GABRG3: variants seen among roughly 807,000 people sequenced by gnomAD.
GABRG3 encodes gamma-aminobutyric acid receptor subunit gamma-3.
A neutral mutation model predicts 48.8 loss-of-function variants in GABRG3; 25 were observed. The ratio of observed to expected loss-of-function variants is 0.51; its 90% CI spans 0.37 to 0.72. The LOEUF (loss-of-function observed/expected upper bound fraction) is 0.72. Ranked by LOEUF, GABRG3 falls within the 30% of genes least tolerant of loss-of-function variation. The pLI is 0.00. For synonymous variants in GABRG3, 227 were observed against 217.6 expected (o/e 1.04, Z -0.38); for missense variants, 394 against 577.9 (o/e 0.68, Z 3.26).
chr15:27,452,640 G>C (rs1218435015), intron 5 of GABRG3, among the ~76,000 whole-genome samples: 1 of 152,202 alleles, frequency 6.6e-6, no homozygotes, highest in Non-Finnish European at 1.5e-5. Context: ...TCATCATAGA[G>C]GTCTTCATCC....
rs1234820299 is a variant in GABRG3 at position 27,145,597 on chromosome 15, A to ATC, written c.270+118778_270+118779dup. Among the ~76,000 whole-genome samples the ATC allele has an allele frequency of 4.6e-3, 334 of 72,102 alleles. 6 individuals are homozygous for ATC. The highest frequency in any genetic ancestry group is 0.012 in the African/African-American group (293 of 23,548). The allele number at this position is 72,102 out of a possible 152,430, so 47.3% of individuals were successfully genotyped here. A position where few individuals can be genotyped will look rare whatever the true frequency, so the allele number is the denominator to read the frequency against. On this transcript the variant is annotated intron_variant, in intron 3 of 9. Transcript: ENST00000615808. ...TACTCTACTAGGCATATATACATAT[A>ATC]TCTATCTCTATCTATCTATCTATCT...
In GABRG3 at chr15:26,974,441, A is replaced by G. The variant is rs1270464857; in HGVS notation, c.54-2561A>G. 3.3e-5 allele frequency among the ~76,000 whole-genome samples: 5 copies of G among 152,112 alleles called. No individual in the cohort carries two copies. Among genetic ancestry groups the G allele is most frequent in the Admixed American group, 3.3e-4 (5 of 15,268 alleles). On this transcript the variant is annotated intron_variant, in intron 1 of 9. Transcript: ENST00000615808. This position sits in a 1 kb window ranked among gnomAD's most constrained non-coding sequence, Gnocchi z 4.3. Reference sequence around the variant, plus strand: ...GTGCTCGGTTTGTGTGTATGTGATTATCAGGGCCATAGACAATAACACAGG... The same window carrying G: ...GTGCTCGGTTTGTGTGTATGTGATTGTCAGGGCCATAGACAATAACACAGG...
rs73367342 is a variant in GABRG3, at chr15:27,452,513, A to G, written c.575-28137A>G. 5.9e-3 allele frequency among the ~76,000 whole-genome samples: 893 copies of G among 152,304 alleles called. 11 individuals carry two copies. The highest frequency in any genetic ancestry group is 0.02 in the African/African-American group (832 of 41,576). On this transcript the variant is annotated intron_variant, in intron 5 of 9. Transcript: ENST00000615808. Reference sequence around the variant, plus strand: ...ACTGAGAGCCCTACCTATAACAAAAACAGTCAATTAACACACATTTCATTT... The same window carrying G: ...ACTGAGAGCCCTACCTATAACAAAAGCAGTCAATTAACACACATTTCATTT...
At chr15:27,501,243 G>T (rs1158230297) in intron 6 of GABRG3, among the ~76,000 whole-genome samples, 2 of 152,158 alleles carry the variant, frequency 1.3e-5, no homozygotes, top group Non-Finnish European at 2.9e-5. Context: ...GAGCCACCGT[G>T]CCCGGCCAAA....
chr15:27,507,654 A>ATAAT (rs758947810), intron 6 of GABRG3, among the ~76,000 whole-genome samples: 2 of 152,212 alleles, frequency 1.3e-5, no homozygotes, highest in Non-Finnish European at 2.9e-5. Flanking sequence ...GGAGTATTAT[A>ATAAT]TAATTATAAA....
intron 5 of GABRG3, among the ~76,000 whole-genome samples, chr15:27,449,188 A>C (rs1889034802): frequency 6.6e-6 from 1 of 152,216 alleles, no homozygotes; most frequent in African/African-American, 2.4e-5. Context: ...TGGGAGCTGT[A>C]GCCTTTCCAA....
At chr15:26,981,375 T>C (rs1400473597) in intron 2 of GABRG3, among the ~76,000 whole-genome samples, 1 of 152,208 alleles carries the variant, frequency 6.6e-6, no homozygotes, top group Non-Finnish European at 1.5e-5. Flanking sequence ...ATACTCTATA[T>C]GAGTTTAATT....
intron 3 of GABRG3, among the ~76,000 whole-genome samples, chr15:27,309,409 G>A (rs1216406185): frequency 1.3e-5 from 2 of 151,784 alleles, no homozygotes; most frequent in African/African-American, 4.8e-5. Flanking sequence ...GAAAGGCAGA[G>A]GGACTAGCCT....
intron 3 of GABRG3, among the ~76,000 whole-genome samples, chr15:27,240,144 A>G (rs1183982260): frequency 6.6e-6 from 1 of 152,172 alleles, no homozygotes; most frequent in Non-Finnish European, 1.5e-5. Context: ...TGCTCTATTA[A>G]ATGATCATCG....
chr15:27,048,839 G>A (rs181791900), intron 3 of GABRG3, among the ~76,000 whole-genome samples: 1 of 150,398 alleles, frequency 6.6e-6, no homozygotes, highest in East Asian at 2.0e-4. Context: ...TCCTAACCCT[G>A]ACCATCTCTG....
At chr15:27,511,351 C>G (rs1157526725) in intron 6 of GABRG3, among the ~76,000 whole-genome samples, 1 of 152,138 alleles carries the variant, frequency 6.6e-6, no homozygotes, top group East Asian at 1.9e-4. Context: ...CATCCCTGAG[C>G]CGTGTCCCCT....
At chr15:27,339,435 G>A (rs1430796487) in intron 5 of GABRG3, among the ~76,000 whole-genome samples, 1 of 152,236 alleles carries the variant, frequency 6.6e-6, no homozygotes, top group Non-Finnish European at 1.5e-5. Flanking sequence ...CAGGTGAGGT[G>A]GATGTTTATC....
At position 26,976,874 on chromosome 15, in the gene GABRG3, G is replaced by A. The variant is rs758494609; in HGVS notation, c.54-128G>A. ...TTAGAAAATATTTTCGGGTTTTCACGTGTGTGGTTGGGCTGTGGGTACTGG... is the reference window on the plus strand; with the variant it reads ...TTAGAAAATATTTTCGGGTTTTCACATGTGTGGTTGGGCTGTGGGTACTGG... On this transcript the variant is annotated intron_variant, in intron 1 of 9. Transcript: ENST00000615808. This position sits in a 1 kb window ranked among gnomAD's most constrained non-coding sequence, Gnocchi z 7.8. 35 of 817,364 alleles carry A rather than the reference G, an allele frequency of 4.3e-5. No individual in the cohort carries two copies. The highest frequency in any genetic ancestry group is 2.3e-4 in the Middle Eastern group (1 of 4,366). 50.6% of individuals were successfully genotyped at this position (817,364 alleles called of 1,614,324 possible).
intron 3 of GABRG3, among the ~76,000 whole-genome samples, chr15:27,039,812 C>T (rs1896243194): frequency 1.3e-5 from 2 of 152,200 alleles, no homozygotes; most frequent in South Asian, 4.1e-4. Flanking sequence ...CTCGCTGTCA[C>T]CCCGCGGTCC....
chr15:27,007,949 C>T (rs1481632280), intron 2 of GABRG3, among the ~76,000 whole-genome samples: 4 of 151,986 alleles, frequency 2.6e-5, no homozygotes. Flanking sequence ...TTTGCAATTG[C>T]TTTTGATGTA....
At chr15:27,531,522 C>T (rs899170422) in intron 9 of GABRG3, among the ~76,000 whole-genome samples, 2 of 152,228 alleles carry the variant, frequency 1.3e-5, no homozygotes, top group African/African-American at 4.8e-5. Flanking sequence ...AGGCCCTTGC[C>T]AGGAAGCCCA....
chr15:27,524,852 A>G (rs1891236707), intron 7 of GABRG3, among the ~76,000 whole-genome samples: 1 of 152,204 alleles, frequency 6.6e-6, no homozygotes. Context: ...GGATAGTTAC[A>G]TCTTAAATAT....
intron 9 of GABRG3, among the ~76,000 whole-genome samples, chr15:27,528,954 T>G (rs968080137): frequency 6.6e-6 from 1 of 152,234 alleles, no homozygotes; most frequent in African/African-American, 2.4e-5. Flanking sequence ...TATCCTATTT[T>G]GTGCCTTTCT....
chr15:27,276,284 C>T (rs932303731), intron 3 of GABRG3, among the ~76,000 whole-genome samples: 1 of 152,160 alleles, frequency 6.6e-6, no homozygotes, highest in Non-Finnish European at 1.5e-5. Context: ...CAGGTTGGTT[C>T]TGAGTTGGAA....
Sources: gnomAD v4.1 joint callset for allele counts (sites outside exome capture counted in the v4.1 genomes callset) on GRCh38, gnomAD v4.1.1 for gene constraint, Gnocchi (gnomAD v3.1) non-coding constraint, MANE v1.5 for transcripts, NCBI Gene and HGNC (gene_info 2026-07-23, HGNC 2026-07-21) for gene names.